The following LHFPL3 variants were observed in gnomAD, a reference collection of about 807,000 sequenced individuals.
The protein encoded by LHFPL3 is LHFPL tetraspan subfamily member 3 protein.
A neutral mutation model predicts 19.3 loss-of-function variants in LHFPL3; 5 were observed. The ratio of observed to expected loss-of-function variants is 0.26; its 90% CI spans 0.14 to 0.54. The LOEUF is 0.54. Among genes scored for constraint, LHFPL3 ranks in the 20% least tolerant of loss-of-function variants. The pLI is 0.94. For missense variants in LHFPL3, 249 were observed against 307.4 expected (o/e 0.81, Z 1.42); for synonymous variants, 133 against 126.2 (o/e 1.05, Z -0.36).
intron 1 of LHFPL3, among the ~76,000 whole-genome samples, chr7:104,564,659 A>G (rs1414455933): frequency 2.6e-5 from 4 of 152,198 alleles, no homozygotes; most frequent in Admixed American, 1.3e-4. Context: ...TGGCATGCCC[A>G]TGACTGAGGC....
chr7:104,851,497 TG>T (rs1791414152), intron 2 of LHFPL3, among the ~76,000 whole-genome samples: 1 of 152,112 alleles, frequency 6.6e-6, no homozygotes, highest in African/African-American at 2.4e-5. Flanking sequence ...GGGAAAAAAA[TG>T]GCTTTCAAAA....
chr7:104,401,714 A>C (rs1024837101), intron 1 of LHFPL3, among the ~76,000 whole-genome samples: 13 of 152,210 alleles, frequency 8.5e-5, no homozygotes, highest in Non-Finnish European at 1.5e-4. Flanking sequence ...TAGGAAGTAA[A>C]CTCATTCATT....
intron 1 of LHFPL3, among the ~76,000 whole-genome samples, chr7:104,557,986 T>C (rs1334246921): frequency 6.7e-6 from 1 of 150,106 alleles, no homozygotes; most frequent in African/African-American, 2.5e-5. Context: ...ATTTCATCCA[T>C]GTCCCTACAA....
At chr7:104,565,694 A>G (rs1790106174) in intron 1 of LHFPL3, among the ~76,000 whole-genome samples, 1 of 151,548 alleles carries the variant, frequency 6.6e-6, no homozygotes, top group Non-Finnish European at 1.5e-5. Context: ...CAATTTCTCA[A>G]GTTTCCCTGC....
intron 1 of LHFPL3, among the ~76,000 whole-genome samples, chr7:104,404,325 AT>A (rs1791375207): frequency 6.6e-6 from 1 of 152,232 alleles, no homozygotes; most frequent in Admixed American, 6.5e-5. Context: ...CATATTTTTC[AT>A]TTTTAAAATA....
chr7:104,423,015 A>G (rs1791764055), intron 1 of LHFPL3, among the ~76,000 whole-genome samples: 1 of 152,224 alleles, frequency 6.6e-6, no homozygotes, highest in South Asian at 2.1e-4. Flanking sequence ...GCAATGGTGA[A>G]CAAAACATAC....
At chr7:104,680,161 C>T (rs1792669636) in intron 1 of LHFPL3, among the ~76,000 whole-genome samples, 1 of 152,174 alleles carries the variant, frequency 6.6e-6, no homozygotes, top group African/African-American at 2.4e-5. Context: ...GGACAGTTAG[C>T]GCCAGCTGCT....
chr7:104,415,265 A>G (rs1314291798), intron 1 of LHFPL3, among the ~76,000 whole-genome samples: 1 of 152,220 alleles, frequency 6.6e-6, no homozygotes, highest in Non-Finnish European at 1.5e-5. Flanking sequence ...TAGTGAAGGC[A>G]CAGTTTCTGA....
intron 2 of LHFPL3, among the ~76,000 whole-genome samples, chr7:104,754,230 A>G (rs147676903): frequency 6.6e-6 from 1 of 152,356 alleles, no homozygotes; most frequent in African/African-American, 2.4e-5. Context: ...GCTTAATAAA[A>G]AAAAGAAACA....
At chr7:104,425,925 G>C (rs867148900) in intron 1 of LHFPL3, among the ~76,000 whole-genome samples, 4 of 152,132 alleles carry the variant, frequency 2.6e-5, no homozygotes, top group Non-Finnish European at 1.5e-5. Context: ...TATTGAGCTA[G>C]TACTCTTCAA....
At chr7:104,748,247 C>T (rs921502850) in intron 2 of LHFPL3, among the ~76,000 whole-genome samples, 1 of 151,910 alleles carries the variant, frequency 6.6e-6, no homozygotes, top group Non-Finnish European at 1.5e-5. Context: ...CCTAGGAAAG[C>T]CAGTATTGTC....
intron 1 of LHFPL3, among the ~76,000 whole-genome samples, chr7:104,486,747 G>T (rs1466770385): frequency 6.6e-6 from 1 of 152,076 alleles, no homozygotes; most frequent in Non-Finnish European, 1.5e-5. Flanking sequence ...ATGTTGCTGA[G>T]CTATTTATGT....
chr7:104,565,432 G>T (rs1790099764), intron 1 of LHFPL3, among the ~76,000 whole-genome samples: 1 of 152,150 alleles, frequency 6.6e-6, no homozygotes, highest in African/African-American at 2.4e-5. Flanking sequence ...GGACTAATCT[G>T]GTCTATTAGT....
intron 2 of LHFPL3, among the ~76,000 whole-genome samples, chr7:104,784,343 C>G (rs182895445): frequency 6.6e-6 from 1 of 152,276 alleles, no homozygotes; most frequent in East Asian, 1.9e-4. Context: ...AGCAGTGTGG[C>G]CTACTTAACA....
At chr7:104,533,606 A>G (rs1794342916) in intron 1 of LHFPL3, among the ~76,000 whole-genome samples, 1 of 152,102 alleles carries the variant, frequency 6.6e-6, no homozygotes, top group Admixed American at 6.6e-5. Flanking sequence ...AGTAATTTCC[A>G]TCTCTGCTTC....
intron 1 of LHFPL3, among the ~76,000 whole-genome samples, chr7:104,512,541 G>C (rs1043941472): frequency 3.3e-5 from 5 of 151,964 alleles, no homozygotes; most frequent in African/African-American, 1.2e-4. Flanking sequence ...GTTCAGAGCA[G>C]CCTGGCCAAC....
intron 1 of LHFPL3, among the ~76,000 whole-genome samples, chr7:104,593,422 G>A (rs937668420): frequency 6.6e-6 from 1 of 152,124 alleles, no homozygotes; most frequent in South Asian, 2.1e-4. Context: ...TATAATTTCT[G>A]TTCTTTTACA....
chr7:104,879,398 AGAGT>A (rs1037146051), intron 2 of LHFPL3, among the ~76,000 whole-genome samples: 1 of 152,122 alleles, frequency 6.6e-6, no homozygotes, highest in African/African-American at 2.4e-5. Context: ...TCTGTGCAAC[AGAGT>A]GAGACCCTGT....
intron 1 of LHFPL3, among the ~76,000 whole-genome samples, chr7:104,535,768 G>T (rs73715111): frequency 0.011 from 1,673 of 152,320 alleles, 28 homozygotes; most frequent in African/African-American, 0.038. Flanking sequence ...AGACAAGAAA[G>T]AAGAGATGCA....
Sources: gnomAD v4.1 joint callset for allele counts (sites outside exome capture counted in the v4.1 genomes callset) on GRCh38, gnomAD v4.1.1 for gene constraint, MANE v1.5 for transcripts, NCBI Gene and HGNC (gene_info 2026-07-23, HGNC 2026-07-21) for gene names.